The following TRAPPC13 variants were observed in gnomAD, a reference collection of about 807,000 sequenced individuals.
TRAPPC13 encodes the protein REV7-interacting novel NHEJ regulator 1.
A neutral mutation model predicts 54.0 loss-of-function variants in TRAPPC13; 39 were observed. That is an observed-to-expected ratio of 0.72 (90% confidence interval 0.56 to 0.94). TRAPPC13 has a LOEUF of 0.94. Among genes scored for constraint, TRAPPC13 ranks in the 40% least tolerant of loss-of-function variants. The pLI is 0.00. For missense variants in TRAPPC13, 386 were observed against 488.1 expected (o/e 0.79, Z 1.97); for synonymous variants, 148 against 167.7 (o/e 0.88, Z 0.91).
intron 4 of TRAPPC13, among the ~76,000 whole-genome samples, chr5:65,646,014 A>G (rs924142702): frequency 6.6e-6 from 1 of 152,148 alleles, no homozygotes; most frequent in South Asian, 2.1e-4. Flanking sequence ...GCCAGGCACC[A>G]TGCTATAGTG....
In TRAPPC13 at chr5:65,658,145, T is replaced by C. The variant is rs189869501; in HGVS notation, c.565-223T>C. ...CAAAATATAGTTATCCTCCATCCAT[T>C]GTTTGACAAGGTATCAGTTGACTAA... On this transcript the variant is annotated intron_variant, in intron 8 of 12. Coordinates refer to ENST00000399438, the MANE Select transcript of TRAPPC13 (RefSeq NM_024941.4). 5.3e-5 allele frequency: 21 copies of C among 393,422 alleles called. No homozygotes were observed. The East Asian group carries it at 7.0e-4, about 13-fold the overall frequency. The allele number at this position is 393,422 out of a possible 1,614,324, so 24.4% of individuals were successfully genotyped here.
intron 8 of TRAPPC13, chr5:65,658,018 G>A: frequency 5.2e-6 from 1 of 191,762 alleles, no homozygotes; most frequent in Non-Finnish European, 1.1e-5. Context: ...AGGAGCATAG[G>A]TATATTCATC....
intron 9 of TRAPPC13, among the ~76,000 whole-genome samples, chr5:65,659,028 G>A (rs890681546): frequency 6.6e-6 from 1 of 152,058 alleles, no homozygotes; most frequent in African/African-American, 2.4e-5. Flanking sequence ...CCTACATCTT[G>A]TTTTAATGTG....
At chr5:65,658,201 G>C (rs27143) in intron 8 of TRAPPC13, 167 bp from the exon 9 acceptor site, 5 of 549,582 alleles carry the variant, frequency 9.1e-6, no homozygotes, top group Admixed American at 8.0e-5. Context: ...AATTATGATA[G>C]GGTGAAGATT....
chr5:65,646,515 C>G (rs1020534344), intron 4 of TRAPPC13, among the ~76,000 whole-genome samples: 1 of 95,990 alleles, frequency 1.0e-5, no homozygotes, highest in Non-Finnish European at 2.5e-5. Flanking sequence ...TAGCTTCCCC[C>G]CTTCCTTATT....
chr5:65,660,915 T>C lies in TRAPPC13; in HGVS notation c.897+18T>C. On this transcript the variant is annotated intron_variant, in intron 10 of 12. Coordinates refer to ENST00000399438, the MANE Select transcript of TRAPPC13 (RefSeq NM_024941.4). ...AAAGAATGGTGAGTCTGGAAAAAAC[T>C]TCGCTGGGGTTTTGGTGTGTGAAAG... The C allele has an allele frequency of 6.3e-7, 1 of 1,589,118 alleles. No individual in the cohort carries two copies. Among genetic ancestry groups the C allele is most frequent in the African/African-American group, 1.4e-5 (1 of 74,008 alleles).
At chr5:65,634,674 C>G (rs779487410) in intron 1 of TRAPPC13, among the ~76,000 whole-genome samples, 11 of 151,530 alleles carry the variant, frequency 7.3e-5, no homozygotes, top group African/African-American at 2.7e-4. Flanking sequence ...GCAGATCACT[C>G]GAGGTCAGGA....
At position 65,665,729 on chromosome 5, in the gene TRAPPC13, C is replaced by G. The variant is rs2150697801; in HGVS notation, c.*1118C>G. On this transcript the variant is annotated 3_prime_UTR_variant, in exon 13 of 13. Transcript: ENST00000399438. ...AACTTTCTCTCTCCATGTAATCACA[C>G]TTAGTTATGAGCAAAGCAGTGAGAA... 6.6e-6 allele frequency: 1 copy of G among 152,342 alleles called. No individual in the cohort carries two copies. Among genetic ancestry groups the G allele is most frequent in the Non-Finnish European group, 1.5e-5 (1 of 67,994 alleles). The allele number at this position is 152,342 out of a possible 1,614,324, so 9.4% of individuals were successfully genotyped here. A position where few individuals can be genotyped will look rare whatever the true frequency, so the allele number is the denominator to read the frequency against.
At chr5:65,632,461 G>A (rs545304391) in intron 1 of TRAPPC13, among the ~76,000 whole-genome samples, 1 of 152,082 alleles carries the variant, frequency 6.6e-6, no homozygotes, top group East Asian at 1.9e-4. Flanking sequence ...TTCCCATGGG[G>A]TATTTCTGGT....
intron 11 of TRAPPC13, chr5:65,662,494 T>C (rs1756881255): frequency 6.2e-6 from 1 of 160,014 alleles, no homozygotes; most frequent in African/African-American, 2.4e-5. Flanking sequence ...GAGGCATGCT[T>C]GTACTTGAGC....
At chr5:65,662,176 G>A in intron 11 of TRAPPC13, 26 bp downstream of exon 11, 1 of 1,488,182 alleles carries the variant, frequency 6.7e-7, no homozygotes, top group Non-Finnish European at 9.2e-7. Flanking sequence ...GTAGATGGAT[G>A]TCCTTTCTAC....
intron 8 of TRAPPC13, 136 bp downstream of exon 8, chr5:65,655,789 A>G (rs866432061): frequency 1.7e-5 from 5 of 292,892 alleles, no homozygotes; most frequent in Middle Eastern, 1.5e-3. Flanking sequence ...CTTCAGAAAG[A>G]TTATATATAA....
At chr5:65,640,280 A>C (rs1196121736) in intron 4 of TRAPPC13, among the ~76,000 whole-genome samples, 1 of 152,238 alleles carries the variant, frequency 6.6e-6, no homozygotes, top group Non-Finnish European at 1.5e-5. Flanking sequence ...GCTCCTGCCT[A>C]TAATCCCAGT....
chr5:65,650,961 C>A, intron 6 of TRAPPC13, 79 bp downstream of exon 6: 1 of 1,037,162 alleles, frequency 9.6e-7, no homozygotes. Context: ...CGTTTATCTG[C>A]AGGGAAAACA....
In TRAPPC13 at chr5:65,630,794, C is replaced by T. The variant is rs943326782; in HGVS notation, c.47-4507C>T. On this transcript the variant is annotated intron_variant, in intron 1 of 12. Transcript: ENST00000399438. ...TGATGTTTCCAAAGATATGTAATAA[C>T]AATTGATAGGCTGTTTTCAAACAAC... 7.6e-6 allele frequency: 4 copies of T among 529,280 alleles called. No homozygotes were observed. In the African/African-American group the frequency reaches 8.2e-5, roughly 11 times the overall value. The allele number at this position is 529,280 out of a possible 1,614,324, so 32.8% of individuals were successfully genotyped here.
intron 1 of TRAPPC13, chr5:65,630,085 A>G: frequency 1.3e-6 from 2 of 1,536,118 alleles, no homozygotes; most frequent in Non-Finnish European, 1.7e-6. Flanking sequence ...CACTTTATAG[A>G]GCAAGATGGA....
intron 9 of TRAPPC13, 48 bp downstream of exon 9, chr5:65,658,549 G>T: frequency 1.5e-5 from 21 of 1,421,830 alleles, no homozygotes; most frequent in South Asian, 6.3e-5. Flanking sequence ...AAAGATACAT[G>T]TTTTTCTAAA....
chr5:65,630,339 A>G, intron 1 of TRAPPC13: 3 of 1,497,544 alleles, frequency 2.0e-6, no homozygotes, highest in Non-Finnish European at 2.7e-6. Context: ...TTTAGTATGT[A>G]ATGAATTCCA....
intron 7 of TRAPPC13, among the ~76,000 whole-genome samples, chr5:65,653,264 A>T (rs1272433732): frequency 6.6e-6 from 1 of 152,056 alleles, no homozygotes; most frequent in East Asian, 1.9e-4. Flanking sequence ...TATGCCCCAA[A>T]ATCTTGTGTT....
Sources: gnomAD v4.1 joint callset for allele counts (sites outside exome capture counted in the v4.1 genomes callset) on GRCh38, gnomAD v4.1.1 for gene constraint, MANE v1.5 for transcripts, NCBI Gene and HGNC (gene_info 2026-07-23, HGNC 2026-07-21) for gene names.